Variants in RBFOX1 observed in about 807,000 individuals in gnomAD.
RBFOX1 encodes the protein RNA binding protein fox-1 homolog 1.
Under a neutral mutation model 57.7 loss-of-function variants are expected in RBFOX1, and 8 were observed. That is an observed-to-expected ratio of 0.14 (90% CI 0.08 to 0.25). The LOEUF (loss-of-function observed/expected upper bound fraction) is 0.25. Among genes scored for constraint, RBFOX1 ranks in the 10% least tolerant of loss-of-function variants. The pLI, the probability that RBFOX1 is intolerant of heterozygous loss-of-function variation, is 1.00. For synonymous variants in RBFOX1, 326 were observed against 222.4 expected, an observed-to-expected ratio of 1.47 and a Z score of -4.15; for missense variants, 611 against 548.5, an observed-to-expected ratio of 1.11 and a Z score of -1.14.
chr16:5,299,328 G>A (rs1193736552), intron 1 of RBFOX1, among the ~76,000 whole-genome samples: 1 of 151,848 alleles, frequency 6.6e-6, no homozygotes, highest in African/African-American at 2.4e-5. Context: ...TTTATAATTT[G>A]TTATTTATCT....
intron 1 of RBFOX1, among the ~76,000 whole-genome samples, chr16:6,146,904 G>T (rs77891750): frequency 6.6e-6 from 1 of 152,106 alleles, no homozygotes; most frequent in African/African-American, 2.4e-5. Flanking sequence ...AATGGTAGAC[G>T]ATTCTGAAGC....
chr16:7,089,913 C>A (rs1451766482), intron 4 of RBFOX1, among the ~76,000 whole-genome samples: 6 of 150,002 alleles, frequency 4.0e-5, no homozygotes, highest in African/African-American at 9.7e-5. Context: ...TTTCTGCATT[C>A]AAAAAAAAAA....
chr16:6,552,837 T>C (rs138773442), intron 2 of RBFOX1, among the ~76,000 whole-genome samples: 3 of 152,064 alleles, frequency 2.0e-5, no homozygotes, highest in African/African-American at 7.2e-5. Flanking sequence ...ATTATAAATA[T>C]ATAATATAGA....
intron 5 of RBFOX1, among the ~76,000 whole-genome samples, chr16:7,576,943 C>T (rs890208671): frequency 6.6e-6 from 1 of 152,136 alleles, no homozygotes; most frequent in Non-Finnish European, 1.5e-5. Context: ...ACTAAAACCC[C>T]TTAACTTCTG....
Position 5,403,056 on chromosome 16 carries a change from A to T in RBFOX1, c.220-64160A>T, listed in dbSNP as rs533222184. 9.8e-5 allele frequency among the ~76,000 whole-genome samples: 15 copies of T among 152,286 alleles called. No homozygotes were observed. In the South Asian group the frequency reaches 3.1e-3, roughly 32 times the overall value. On this transcript the variant is annotated intron_variant, in intron 1 of 2. Transcript: ENST00000585867. ...AATGCATGGAAGCAAAAGTGTCATA[A>T]AACCCTTACTACGGGCGGGGCATGG...
chr16:6,266,336 T>C (rs576930576), intron 1 of RBFOX1, among the ~76,000 whole-genome samples: 1 of 152,336 alleles, frequency 6.6e-6, no homozygotes, highest in South Asian at 2.1e-4. Flanking sequence ...TCCTGAATGA[T>C]ATTCCGTTGT....
At chr16:5,384,056 A>G (rs968743162) in intron 1 of RBFOX1, among the ~76,000 whole-genome samples, 10 of 152,196 alleles carry the variant, frequency 6.6e-5, no homozygotes, top group South Asian at 2.1e-4. Context: ...TCCCAGCTCT[A>G]AGTCCTGCAG....
intron 3 of RBFOX1, among the ~76,000 whole-genome samples, chr16:6,716,633 C>T (rs1050616359): frequency 6.6e-6 from 1 of 152,206 alleles, no homozygotes; most frequent in Non-Finnish European, 1.5e-5. Flanking sequence ...TAACACTCCC[C>T]TTGGACCCCA....
chr16:7,693,274 C>T (rs1487878387), intron 14 of RBFOX1: 1 of 1,582,128 alleles, frequency 6.3e-7, no homozygotes, highest in South Asian at 1.1e-5. Flanking sequence ...GCACATTTCC[C>T]CCTGAGCGAG....
At chr16:6,622,516 A>T (rs759327250) in intron 2 of RBFOX1, among the ~76,000 whole-genome samples, 4 of 152,138 alleles carry the variant, frequency 2.6e-5, no homozygotes, top group Non-Finnish European at 5.9e-5. Context: ...GGTTTGTATA[A>T]CTGCACCGTG....
At chr16:7,313,095 C>G (rs11862619) in intron 4 of RBFOX1, among the ~76,000 whole-genome samples, 120,209 of 151,944 alleles carry the variant, frequency 0.79, 47,698 homozygotes, top group East Asian at 0.94. Flanking sequence ...GGGACTCGTA[C>G]TTCCACATCA....
chr16:5,928,030 G>A (rs1250675238), intron 4 of RBFOX1, among the ~76,000 whole-genome samples: 1 of 152,176 alleles, frequency 6.6e-6, no homozygotes, highest in Non-Finnish European at 1.5e-5. Context: ...GCAGGGCATG[G>A]TGACTATCAT....
chr16:7,074,928 G>T (rs562324155), intron 4 of RBFOX1, among the ~76,000 whole-genome samples: 2 of 152,260 alleles, frequency 1.3e-5, no homozygotes, highest in Non-Finnish European at 2.9e-5. Flanking sequence ...AAACTTCTGG[G>T]ATTGGAAATG....
intron 4 of RBFOX1, among the ~76,000 whole-genome samples, chr16:7,515,973 T>C (rs1567617532): frequency 6.6e-6 from 1 of 151,932 alleles, no homozygotes; most frequent in Non-Finnish European, 1.5e-5. Flanking sequence ...GTCTCCGGAG[T>C]AGCTAAGATT....
At chr16:7,297,342 A>G (rs571721389) in intron 4 of RBFOX1, among the ~76,000 whole-genome samples, 38 of 152,346 alleles carry the variant, frequency 2.5e-4, no homozygotes, top group African/African-American at 9.1e-4. Flanking sequence ...TCTTCTCCAG[A>G]AACATATGCA....
At chr16:7,448,237 A>T (rs2098823618) in intron 4 of RBFOX1, among the ~76,000 whole-genome samples, 1 of 152,232 alleles carries the variant, frequency 6.6e-6, no homozygotes, top group Admixed American at 6.5e-5. Context: ...GGAAGTCGTA[A>T]ATCAAGGTGT....
intron 2 of RBFOX1, among the ~76,000 whole-genome samples, chr16:5,479,523 C>G (rs974738533): frequency 3.9e-5 from 6 of 152,164 alleles, no homozygotes; most frequent in African/African-American, 1.4e-4. Flanking sequence ...CTTTGGGAGG[C>G]TGAGGCAGGT....
intron 3 of RBFOX1, among the ~76,000 whole-genome samples, chr16:6,801,128 TC>T (rs1209780472): frequency 6.6e-6 from 1 of 151,850 alleles, no homozygotes; most frequent in African/African-American, 2.4e-5. Flanking sequence ...ATTAAGCATT[TC>T]TGATATGCTC....
chr16:6,435,865 T>C (rs1254077867), intron 2 of RBFOX1, among the ~76,000 whole-genome samples: 1 of 152,154 alleles, frequency 6.6e-6, no homozygotes, highest in Non-Finnish European at 1.5e-5. Flanking sequence ...ATTCATCAAA[T>C]TCCAATGTTC....
Sources: allele counts gnomAD v4.1 joint callset (sites outside exome capture counted in the v4.1 genomes callset), GRCh38; gene constraint gnomAD v4.1.1; transcripts MANE v1.5; gene names NCBI Gene and HGNC (gene_info 2026-07-23, HGNC 2026-07-21).